The following LAMC1 variants were observed in gnomAD, a reference collection of about 807,000 sequenced individuals.
LAMC1 encodes the protein laminin subunit gamma-1.
In LAMC1, 38 loss-of-function variants were observed where a neutral mutation model predicts 173.6. The ratio of observed to expected loss-of-function variants is 0.22; its 90% CI spans 0.17 to 0.29. LAMC1 has a LOEUF of 0.29. Among genes scored for constraint, LAMC1 ranks in the 10% least tolerant of loss-of-function variants. The probability of loss-of-function intolerance (pLI) is 1.00; values close to 1 mark genes in which losing one functional copy is unlikely to be tolerated. For missense variants in LAMC1, 1,824 were observed against 2,051.8 expected (o/e 0.89, Z 2.14); for synonymous variants, 746 against 749.1 (o/e 1.00, Z 0.07).
At chr1:183,027,068 A>C (rs544390579) in intron 1 of LAMC1, among the ~76,000 whole-genome samples, 1 of 152,330 alleles carries the variant, frequency 6.6e-6, no homozygotes, top group South Asian at 2.1e-4. Context: ...GTATTTTAAC[A>C]GATGGCAAAT....
Position 183,118,140 on chromosome 1 carries a change from G to C in LAMC1, c.1984G>C (p.Glu662Gln). 1 of 1,542,300 alleles carries C rather than the reference G, an allele frequency of 6.5e-7. No homozygotes were observed. The highest frequency in any genetic ancestry group is 1.7e-5 in the Admixed American group (1 of 59,214). Residue 662 changes from glutamate (E) to glutamine (Q), a missense_variant, in exon 11 of 28, where the codon GAG becomes CAG. By Grantham distance (29) the Glu-to-Gln change is conservative. Transcript: ENST00000258341. The part of the protein sequence containing the change: ...TSIKIRGTYS[E>Q]RSAGYLDDVT... ...TATCAAGATACGTGGGACATACAGT[G>C]AGAGAAGTAAGTTATGATATAATTT...
At chr1:183,084,559 A>G (rs954897274) in intron 1 of LAMC1, among the ~76,000 whole-genome samples, 3 of 152,212 alleles carry the variant, frequency 2.0e-5, no homozygotes, top group African/African-American at 4.8e-5. Context: ...ATTTCCCCAC[A>G]GTAATTGGTG....
rs528945594 is a variant in LAMC1, at chr1:183,086,081, T to C, written c.419-17247T>C. ...GCCTATATCCATAAATAAATAAATATATGTATATACAGGCCTCATTTATGC... is the reference window on the plus strand; with the variant it reads ...GCCTATATCCATAAATAAATAAATACATGTATATACAGGCCTCATTTATGC... On this transcript the variant is annotated intron_variant, in intron 1 of 27. Coordinates refer to ENST00000258341, the MANE Select transcript of LAMC1 (RefSeq NM_002293.4). Among the ~76,000 whole-genome samples, 17 of 152,276 alleles carry C rather than the reference T, an allele frequency of 1.1e-4. 1 individual carries two copies. The highest frequency in any genetic ancestry group is 2.2e-4 in the African/African-American group (9 of 41,546).
At position 183,116,833 on chromosome 1, in the gene LAMC1, T is replaced by C; in HGVS notation, c.1494T>C (p.Phe498=). 2 of 1,614,058 alleles carry C rather than the reference T, an allele frequency of 1.2e-6. No homozygotes were observed. Among genetic ancestry groups the C allele is most frequent in the Non-Finnish European group, 1.7e-6 (2 of 1,179,886 alleles). ...GGGGTTGCACACCCTGCTTCTGCTT[T>C]GGGCATTCTTCTGTCTGTACAAACG... is the stretch of plus-strand genomic sequence containing the variant. ...NPRGCTPCFC[F]GHSSVCTNAV... Residue 498 remains phenylalanine (F), a synonymous_variant, in exon 8 of 28, where the codon TTT becomes TTC. Transcript: ENST00000258341.
chr1:183,080,729 A>G (rs1327622855), intron 1 of LAMC1, among the ~76,000 whole-genome samples: 2 of 152,098 alleles, frequency 1.3e-5, no homozygotes, highest in East Asian at 1.9e-4. Context: ...GTGTTAAACA[A>G]GAAACTTACG....
intron 1 of LAMC1, among the ~76,000 whole-genome samples, chr1:183,047,912 A>T (rs929509813): frequency 6.6e-6 from 1 of 152,194 alleles, no homozygotes; most frequent in Admixed American, 6.5e-5. Flanking sequence ...TTTCCCATGA[A>T]TACAACCACC....
intron 1 of LAMC1, among the ~76,000 whole-genome samples, chr1:183,052,756 A>T (rs1371000202): frequency 6.6e-6 from 1 of 152,060 alleles, no homozygotes; most frequent in African/African-American, 2.4e-5. Context: ...ATAATATATC[A>T]CTTAGTAAAT....
At chr1:183,078,223 G>A (rs1242621179) in intron 1 of LAMC1, among the ~76,000 whole-genome samples, 1 of 152,116 alleles carries the variant, frequency 6.6e-6, no homozygotes, top group African/African-American at 2.4e-5. Flanking sequence ...AAGGCCCAAA[G>A]CTCAGTTAAT....
At chr1:183,125,022 C>A in intron 14 of LAMC1, 146 bp downstream of exon 14, 1 of 1,090,468 alleles carries the variant, frequency 9.2e-7, no homozygotes. Flanking sequence ...TTCTAGTCAC[C>A]ACATTAAAAA....
chr1:183,133,647 C>T, intron 22 of LAMC1, 97 bp downstream of exon 22: 1 of 1,199,488 alleles, frequency 8.3e-7, no homozygotes, highest in Admixed American at 2.5e-5. Flanking sequence ...CTCCCACTGA[C>T]TCGCTGGTAA....
At chr1:183,069,272 G>A (rs958359598) in intron 1 of LAMC1, among the ~76,000 whole-genome samples, 1 of 152,148 alleles carries the variant, frequency 6.6e-6, no homozygotes, top group Non-Finnish European at 1.5e-5. Flanking sequence ...AATAAATAGG[G>A]AGTTTCATTA....
rs1656413393 is a variant in LAMC1 at position 183,119,548 on chromosome 1, A to G, written c.1990+1402A>G. On this transcript the variant is annotated intron_variant, in intron 11 of 27. Transcript: ENST00000258341. The stretch of plus-strand genomic sequence containing the variant: ...GTCCATGCTCTAAGACCCAAGGGCA[A>G]CATGGCGAAACCACATCTCTACTAA... Among the ~76,000 whole-genome samples, 2 of 152,182 alleles carry G rather than the reference A, an allele frequency of 1.3e-5. 1 individual carries two copies. The highest frequency in any genetic ancestry group is 1.3e-4 in the Admixed American group (2 of 15,276).
intron 1 of LAMC1, among the ~76,000 whole-genome samples, chr1:183,029,640 C>G (rs1357654143): frequency 6.6e-6 from 1 of 152,112 alleles, no homozygotes; most frequent in Non-Finnish European, 1.5e-5. Flanking sequence ...CTCTCTCTCC[C>G]CTTTCTGCCC....
chr1:183,049,406 A>G (rs1654349685), intron 1 of LAMC1, among the ~76,000 whole-genome samples: 1 of 151,820 alleles, frequency 6.6e-6, no homozygotes, highest in Non-Finnish European at 1.5e-5. Flanking sequence ...TCAATACCAT[A>G]TTCTTGATTT....
chr1:183,115,709 G>A (rs1367950405), intron 6 of LAMC1, 72 bp downstream of exon 6: 2 of 999,508 alleles, frequency 2.0e-6, no homozygotes, highest in Non-Finnish European at 3.2e-6. Context: ...TAGATCTTAT[G>A]GCTTATTGGC....
At chr1:183,062,974 A>G (rs940915536) in intron 1 of LAMC1, among the ~76,000 whole-genome samples, 1 of 152,184 alleles carries the variant, frequency 6.6e-6, no homozygotes, top group Non-Finnish European at 1.5e-5. Flanking sequence ...AATAAAAAAA[A>G]GTAGTATTAC....
rs1656361807 is a variant in LAMC1, at chr1:183,117,707, G to A, written c.1861G>A (p.Val621Met). Residue 621 changes from valine to methionine, a missense_variant, in exon 10 of 28, where the codon GTG becomes ATG. Val to Met is a conservative substitution (Grantham distance 21). Coordinates refer to ENST00000258341, the MANE Select transcript of LAMC1 (RefSeq NM_002293.4). ...CAATTCCTATCCAAGTGAGACCACTGTGAAGTATGTCTTCAGGTAAGATAG... is the reference window on the plus strand; with the variant it reads ...CAATTCCTATCCAAGTGAGACCACTATGAAGTATGTCTTCAGGTAAGATAG... The part of the protein sequence containing the change: ...QGNSYPSETT[V>M]KYVFRLHEAT... The A allele has an allele frequency of 6.2e-7, 1 of 1,613,794 alleles. No individual in the cohort carries two copies. The highest frequency in any genetic ancestry group is 8.5e-7 in the Non-Finnish European group (1 of 1,179,776).
In LAMC1 at chr1:183,024,000, G is replaced by GGCAGCCCCACCT; in HGVS notation, c.290_301dup (p.Pro97_Gln100dup). On this transcript the variant is annotated inframe_insertion, in exon 1 of 28. Transcript: ENST00000258341. ...AAGTCCTGTCACCTGTGCGACGCCG[G>GGCAGCCCCACCT]GCAGCCCCACCTGCAGCACGGGGCA... 6.2e-7 allele frequency: 1 copy of GGCAGCCCCACCT among 1,613,092 alleles called. No individual in the cohort carries two copies. Among genetic ancestry groups the GGCAGCCCCACCT allele is most frequent in the Non-Finnish European group, 8.5e-7 (1 of 1,179,908 alleles).
At chr1:183,085,688 G>A (rs1269917715) in intron 1 of LAMC1, among the ~76,000 whole-genome samples, 2 of 152,110 alleles carry the variant, frequency 1.3e-5, no homozygotes, top group Admixed American at 6.6e-5. Flanking sequence ...TTCAAGGGGC[G>A]GGGAGAATGC....
Sources: allele counts gnomAD v4.1 joint callset (sites outside exome capture counted in the v4.1 genomes callset), GRCh38; gene constraint gnomAD v4.1.1; transcripts MANE v1.5; gene names NCBI Gene and HGNC (gene_info 2026-07-23, HGNC 2026-07-21).